Variants in F5 observed in about 807,000 individuals in gnomAD.
The protein encoded by F5 is coagulation factor V.
In F5, 138 loss-of-function variants were observed where a neutral mutation model predicts 216.4. The ratio of observed to expected loss-of-function variants is 0.64; its 90% CI spans 0.56 to 0.73. F5 has a LOEUF of 0.73. F5 is among the 30% of genes least tolerant of loss of function. The pLI is 0.00. For synonymous variants in F5, 916 were observed against 930.7 expected, an observed-to-expected ratio of 0.98 and a Z score of 0.29; for missense variants, 2,403 against 2,674.0, an observed-to-expected ratio of 0.90 and a Z score of 2.24.
At chr1:169,579,629 T>A (rs1057078767) in intron 2 of F5, among the ~76,000 whole-genome samples, 2 of 152,202 alleles carry the variant, frequency 1.3e-5, no homozygotes, top group Non-Finnish European at 2.9e-5. Context: ...AATGGCACCC[T>A]ATCCATTCTG....
intron 4 of F5, among the ~76,000 whole-genome samples, chr1:169,560,100 A>T (rs1660434650): frequency 6.6e-6 from 1 of 152,174 alleles, no homozygotes. Flanking sequence ...AAAGTTTTCA[A>T]CTTGTTTGTA....
intron 8 of F5, among the ~76,000 whole-genome samples, 157 bp downstream of exon 8, chr1:169,552,400 G>A (rs1660193489): frequency 6.6e-6 from 1 of 152,122 alleles, no homozygotes; most frequent in Non-Finnish European, 1.5e-5. Flanking sequence ...TACTGAGTAA[G>A]CTGTAAATAA....
intron 21 of F5, among the ~76,000 whole-genome samples, chr1:169,522,938 T>C (rs1016374030): frequency 6.6e-6 from 1 of 152,232 alleles, no homozygotes; most frequent in Admixed American, 6.5e-5. Context: ...CTGAGAAATC[T>C]GGGTATTTTG....
intron 3 of F5, among the ~76,000 whole-genome samples, chr1:169,570,849 A>T (rs932752667): frequency 1.3e-5 from 2 of 152,136 alleles, no homozygotes; most frequent in African/African-American, 4.8e-5. Context: ...TCACGACAAC[A>T]AACCTGTATG....
intron 3 of F5, among the ~76,000 whole-genome samples, chr1:169,568,184 T>C (rs1571596143): frequency 6.6e-6 from 1 of 152,108 alleles, no homozygotes; most frequent in Non-Finnish European, 1.5e-5. Context: ...CGCCTGTCAG[T>C]TACATATAAG....
Position 169,542,267 on chromosome 1 carries a change from C to A in F5, c.2823G>T (p.Lys941Asn). 6.2e-7 allele frequency: 1 copy of A among 1,614,098 alleles called. No individual in the cohort carries two copies. Among genetic ancestry groups the A allele is most frequent in the African/African-American group, 1.3e-5 (1 of 75,028 alleles). The change falls in exon 13 of 25, where the codon AAG becomes AAT. Residue 941 changes from lysine to asparagine, a missense_variant. Around this residue, in one of 4 missense-constraint regions of F5, gnomAD observed 1,425 missense variants for 1,554.8 expected, o/e 0.92. Coordinates refer to ENST00000367797, the MANE Select transcript of F5 (RefSeq NM_000130.5). ...CCAAATGCCATCTCCCAACCAAAAT[C>A]TTAGATGAGTTACTTTGTTTTAAGA... Reference protein sequence around the residue: ...LLLLKQSNSSKILVGRWHLAS... With the variant: ...LLLLKQSNSSNILVGRWHLAS...
intron 23 of F5, 92 bp from the exon 24 acceptor site, chr1:169,515,718 A>G: frequency 1.5e-6 from 2 of 1,332,630 alleles, no homozygotes; most frequent in Non-Finnish European, 2.1e-6. Context: ...ACAGAGCTCA[A>G]AAGGATTTTG....
chr1:169,565,843 C>A (rs576065941), intron 3 of F5, among the ~76,000 whole-genome samples: 1 of 152,154 alleles, frequency 6.6e-6, no homozygotes, highest in East Asian at 1.9e-4. Flanking sequence ...CCAACACACC[C>A]CAAAGGATAG....
intron 9 of F5, among the ~76,000 whole-genome samples, chr1:169,550,266 G>GCTATCCC (rs1660131322): frequency 8.5e-6 from 1 of 117,688 alleles, no homozygotes; most frequent in South Asian, 3.8e-4. Flanking sequence ...ATCTCCTAAT[G>GCTATCCC]CTATCCCTCC....
At chr1:169,553,533 C>A (rs1471312785) in intron 7 of F5, among the ~76,000 whole-genome samples, 2 of 152,226 alleles carry the variant, frequency 1.3e-5, no homozygotes, top group East Asian at 1.9e-4. Context: ...ACGGTGAAAC[C>A]CCATCTCTAC....
chr1:169,531,095 A>T, intron 14 of F5, 73 bp from the exon 15 acceptor site: 1 of 1,106,136 alleles, frequency 9.0e-7, no homozygotes, highest in South Asian at 1.2e-5. Context: ...TCAGCATTAT[A>T]AGTCAAAATG....
At chr1:169,573,996 TAAAC>T (rs1660786457) in intron 2 of F5, among the ~76,000 whole-genome samples, 1 of 151,954 alleles carries the variant, frequency 6.6e-6, no homozygotes, top group African/African-American at 2.4e-5. Flanking sequence ...CAATAAAAAA[TAAAC>T]AATAAAAACA....
chr1:169,568,044 A>G (rs763065677), intron 3 of F5, among the ~76,000 whole-genome samples: 21 of 152,130 alleles, frequency 1.4e-4, no homozygotes, highest in Admixed American at 2.6e-4. Context: ...TTTAACACAT[A>G]CTGGGCTTAA....
At chr1:169,534,782 G>C (rs1659668394) in intron 14 of F5, among the ~76,000 whole-genome samples, 1 of 152,086 alleles carries the variant, frequency 6.6e-6, no homozygotes, top group African/African-American at 2.4e-5. Flanking sequence ...AATCAATCTA[G>C]GTGCCCATCA....
chr1:169,584,867 A>G (rs1661068578), intron 1 of F5, among the ~76,000 whole-genome samples: 1 of 152,206 alleles, frequency 6.6e-6, no homozygotes, highest in Admixed American at 6.5e-5. Flanking sequence ...TACCCACAGG[A>G]TGAGGGGACA....
intron 1 of F5, among the ~76,000 whole-genome samples, chr1:169,585,749 TTA>T (rs1661090687): frequency 6.6e-6 from 1 of 152,086 alleles, no homozygotes; most frequent in Non-Finnish European, 1.5e-5. Flanking sequence ...AGCAATAAAA[TTA>T]TATGACAAAA....
At chr1:169,551,443 C>T (rs1660166775) in intron 8 of F5, among the ~76,000 whole-genome samples, 1 of 152,182 alleles carries the variant, frequency 6.6e-6, no homozygotes, top group Non-Finnish European at 1.5e-5. Flanking sequence ...GAGTAAGACC[C>T]TTGGTGGGGG....
chr1:169,544,557 G>T, intron 11 of F5, 49 bp from the exon 12 acceptor site: 1 of 1,473,762 alleles, frequency 6.8e-7, no homozygotes, highest in Non-Finnish European at 9.4e-7. Flanking sequence ...CAACAAAAGG[G>T]CATGTGTCTA....
intron 24 of F5, 124 bp downstream of exon 24, chr1:169,515,320 C>A: frequency 8.2e-7 from 1 of 1,218,042 alleles, no homozygotes; most frequent in South Asian, 1.2e-5. Flanking sequence ...ACCTTAAGAA[C>A]TAAGATTTAG....
Sources: allele counts gnomAD v4.1 joint callset (sites outside exome capture counted in the v4.1 genomes callset), GRCh38; gene constraint gnomAD v4.1.1; regional missense constraint gnomAD v4.1.1; transcripts MANE v1.5; gene names NCBI Gene and HGNC (gene_info 2026-07-23, HGNC 2026-07-21).